The following ZNF804B variants were observed in gnomAD, a reference collection of about 807,000 sequenced individuals.
The protein encoded by ZNF804B is zinc finger 804B.
A neutral mutation model predicts 101.4 loss-of-function variants in ZNF804B; 80 were observed. That is an observed-to-expected ratio of 0.79 (90% CI 0.66 to 0.95). The LOEUF (loss-of-function observed/expected upper bound fraction) is 0.95. Among genes scored for constraint, ZNF804B ranks in the 40% least tolerant of loss-of-function variants. The pLI is 0.00. For synonymous variants in ZNF804B, 622 were observed against 558.8 expected, an observed-to-expected ratio of 1.11 and a Z score of -1.59; for missense variants, 1,673 against 1,561.9, an observed-to-expected ratio of 1.07 and a Z score of -1.20.
At chr7:89,170,996 A>G (rs1295716390) in intron 1 of ZNF804B, among the ~76,000 whole-genome samples, 2 of 152,208 alleles carry the variant, frequency 1.3e-5, no homozygotes, top group Non-Finnish European at 2.9e-5. Flanking sequence ...ATCTGGCATG[A>G]TCAAATCCTG....
At chr7:89,161,142 C>A (rs1211815751) in intron 1 of ZNF804B, among the ~76,000 whole-genome samples, 1 of 152,008 alleles carries the variant, frequency 6.6e-6, no homozygotes, top group Non-Finnish European at 1.5e-5. Flanking sequence ...AGAGCTGACT[C>A]CTACAACTGT....
chr7:89,241,186 C>T (rs1584077431), intron 2 of ZNF804B, among the ~76,000 whole-genome samples: 1 of 152,206 alleles, frequency 6.6e-6, no homozygotes, highest in East Asian at 1.9e-4. Context: ...CAACTTTACT[C>T]CCCCAAATCC....
At chr7:89,023,243 G>C (rs943503831) in intron 1 of ZNF804B, among the ~76,000 whole-genome samples, 1 of 152,072 alleles carries the variant, frequency 6.6e-6, no homozygotes. Flanking sequence ...CCTCTATAGT[G>C]CTGACTTTTT....
intron 1 of ZNF804B, among the ~76,000 whole-genome samples, chr7:89,066,138 C>G (rs1306570098): frequency 1.3e-5 from 2 of 152,136 alleles, no homozygotes; most frequent in African/African-American, 4.8e-5. Context: ...TGGATAGTTT[C>G]AAGCATTCAG....
intron 1 of ZNF804B, among the ~76,000 whole-genome samples, chr7:89,032,873 A>G (rs909791055): frequency 2.6e-5 from 4 of 152,080 alleles, no homozygotes; most frequent in Admixed American, 1.3e-4. Context: ...GTTATAATTT[A>G]TGAATATAAT....
At chr7:89,323,518 TC>T (rs1790850939) in intron 2 of ZNF804B, among the ~76,000 whole-genome samples, 1 of 152,192 alleles carries the variant, frequency 6.6e-6, no homozygotes, top group Non-Finnish European at 1.5e-5. Context: ...AATAATGTGA[TC>T]CTTTTAATAG....
rs75317918 is a variant in ZNF804B at position 89,309,166 on chromosome 7, G to T, written c.250-18178G>T. On this transcript the variant is annotated intron_variant, in intron 2 of 3. Transcript: ENST00000333190. ...CTTCCTTCCCCACTTTGAAATCCCA[G>T]TGTCTATTGTTCCCATCTCTGTGTC... Among the ~76,000 whole-genome samples, 39 of 152,000 alleles carry T rather than the reference G, an allele frequency of 2.6e-4. 1 individual carries two copies. The East Asian group carries it at 7.6e-3, about 29-fold the overall frequency.
chr7:88,859,043 A>G (rs769742161), intron 1 of ZNF804B, among the ~76,000 whole-genome samples: 15 of 152,102 alleles, frequency 9.9e-5, no homozygotes, highest in Non-Finnish European at 2.2e-4. Context: ...ATTAATATTG[A>G]TATTTAAGTA....
intron 1 of ZNF804B, among the ~76,000 whole-genome samples, chr7:89,013,150 T>G (rs192952804): frequency 6.6e-6 from 1 of 152,252 alleles, no homozygotes; most frequent in East Asian, 1.9e-4. Context: ...TTATTACAAT[T>G]CAAGGTGAGA....
chr7:89,143,362 C>G (rs1218539651), intron 1 of ZNF804B, among the ~76,000 whole-genome samples: 1 of 151,762 alleles, frequency 6.6e-6, no homozygotes, highest in Non-Finnish European at 1.5e-5. Context: ...TAGGGAAGTT[C>G]TGGGGCTGAA....
rs1478772607 is a variant in ZNF804B, at chr7:89,334,855, C to G, written c.1873C>G (p.Leu625Val). ...AGTTCTAAATGATATAGATGAGGAC[C>G]TATCTTTTCCTTCCTACATCTCTAG... ...KAVLNDIDED[L>V]SFPSYISRFK... Residue 625 changes from leucine to valine, a missense_variant, in exon 4 of 4, where the codon CTA (leucine) becomes GTA (valine). By Grantham distance (32) the Leu-to-Val change is conservative (BLOSUM62 1). Coordinates refer to ENST00000333190, the MANE Select transcript of ZNF804B (RefSeq NM_181646.5). 1 of 1,613,768 alleles carries G rather than the reference C, an allele frequency of 6.2e-7. No homozygotes were observed. The highest frequency in any genetic ancestry group is 1.1e-5 in the South Asian group (1 of 91,076).
intron 1 of ZNF804B, among the ~76,000 whole-genome samples, chr7:88,949,325 C>T (rs547084696): frequency 1.1e-3 from 166 of 151,924 alleles, no homozygotes; most frequent in African/African-American, 3.6e-3. Flanking sequence ...CCTCTACTCA[C>T]TGGATGCTAA....
Position 88,786,204 on chromosome 7 carries a change from C to G in ZNF804B, c.108+26120C>G, listed in dbSNP as rs141572128. On this transcript the variant is annotated intron_variant, in intron 1 of 3. Transcript: ENST00000333190. ...GAGAGAAATAGTGGGCAAGCTATTT[C>G]AATATAGTACCAAAGGACACCTTGG... 5.6e-4 allele frequency among the ~76,000 whole-genome samples: 85 copies of G among 152,086 alleles called. 1 individual carries two copies. The East Asian group carries it at 0.016, about 28-fold the overall frequency.
At chr7:89,308,664 C>A (rs1353769238) in intron 2 of ZNF804B, among the ~76,000 whole-genome samples, 3 of 152,184 alleles carry the variant, frequency 2.0e-5, no homozygotes, top group African/African-American at 7.2e-5. Context: ...GAACTAACCA[C>A]CTCCCTCATC....
At chr7:89,256,043 A>G (rs978079621) in intron 2 of ZNF804B, among the ~76,000 whole-genome samples, 1 of 152,162 alleles carries the variant, frequency 6.6e-6, no homozygotes, top group Non-Finnish European at 1.5e-5. Context: ...TATTTGTTCA[A>G]TACTAGTGTG....
At chr7:89,306,189 T>C (rs1016713745) in intron 2 of ZNF804B, among the ~76,000 whole-genome samples, 3 of 152,020 alleles carry the variant, frequency 2.0e-5, no homozygotes, top group Non-Finnish European at 4.4e-5. Context: ...GATTTTTACC[T>C]GAATTACAAA....
intron 1 of ZNF804B, among the ~76,000 whole-genome samples, chr7:89,181,866 G>T (rs1788303277): frequency 6.6e-6 from 1 of 152,214 alleles, no homozygotes; most frequent in East Asian, 1.9e-4. Context: ...TTCCCTTATT[G>T]TGTATAATTT....
chr7:89,056,997 G>A (rs1789306733), intron 1 of ZNF804B, among the ~76,000 whole-genome samples: 1 of 152,116 alleles, frequency 6.6e-6, no homozygotes, highest in African/African-American at 2.4e-5. Flanking sequence ...GCAGGGAGAA[G>A]TCATGGGACA....
chr7:89,205,434 C>G (rs927433173), intron 1 of ZNF804B, among the ~76,000 whole-genome samples: 5 of 152,142 alleles, frequency 3.3e-5, no homozygotes, highest in African/African-American at 1.2e-4. Context: ...CCTGTAAAAT[C>G]AAAAGCAACT....
Sources: allele counts gnomAD v4.1 joint callset (sites outside exome capture counted in the v4.1 genomes callset), GRCh38; gene constraint gnomAD v4.1.1; transcripts MANE v1.5; gene names NCBI Gene and HGNC (gene_info 2026-07-23, HGNC 2026-07-21).